Variants in MYO16 observed in about 807,000 individuals in gnomAD.
MYO16 encodes unconventional myosin-XVI.
Under a neutral mutation model 205.3 loss-of-function variants are expected in MYO16, and 94 were observed. The observed-to-expected ratio is 0.46, with a 90% CI of 0.39 to 0.54. The LOEUF (loss-of-function observed/expected upper bound fraction) is 0.54. Ranked by LOEUF, MYO16 falls within the 20% of genes least tolerant of loss-of-function variation. MYO16 has a pLI of 0.00. For synonymous variants in MYO16, 988 were observed against 954.0 expected (o/e 1.04, Z -0.66); for missense variants, 2,315 against 2,387.5 (o/e 0.97, Z 0.63).
At chr13:109,153,900 A>G (rs1228247339) in intron 32 of MYO16, among the ~76,000 whole-genome samples, 1 of 152,188 alleles carries the variant, frequency 6.6e-6, no homozygotes, top group Admixed American at 6.5e-5. Context: ...AATCCACTGG[A>G]AGCTTAGGCT....
At chr13:108,752,503 G>A (rs796084449) in intron 4 of MYO16, among the ~76,000 whole-genome samples, 3 of 152,156 alleles carry the variant, frequency 2.0e-5, no homozygotes, top group Admixed American at 6.5e-5. Flanking sequence ...ATAGTCATTC[G>A]TCACTGGCAG....
chr13:108,652,617 C>T (rs773860989), intron 1 of MYO16, among the ~76,000 whole-genome samples: 6 of 152,134 alleles, frequency 3.9e-5, no homozygotes, highest in Non-Finnish European at 8.8e-5. Context: ...TGAGTTTGAC[C>T]TCTTTAGAAG....
intron 2 of MYO16, among the ~76,000 whole-genome samples, chr13:108,669,777 C>G (rs1881903050): frequency 1.3e-5 from 2 of 152,062 alleles, no homozygotes; most frequent in African/African-American, 4.8e-5. Flanking sequence ...TTTGCAGGGA[C>G]ATGGATAAAG....
chr13:109,067,309 G>A (rs763023789), intron 27 of MYO16, among the ~76,000 whole-genome samples: 6 of 152,294 alleles, frequency 3.9e-5, no homozygotes, highest in Non-Finnish European at 8.8e-5. Flanking sequence ...TAGGCAATGG[G>A]CACTGCGCTA....
rs1173512745 is a variant in MYO16, at chr13:108,806,761, A to G, written c.824A>G (p.Asp275Gly). 2 of 1,613,164 alleles carry G rather than the reference A, an allele frequency of 1.2e-6. No homozygotes were observed. The highest frequency in any genetic ancestry group is 1.7e-6 in the Non-Finnish European group (2 of 1,179,286). ...GGTGGAGACCTCAACATAGTAGATG[A>G]TCAGTACTGGACTCCCCTCCACTTG... ...EHGGDLNIVDDQYWTPLHLAA... is the reference protein window; with the variant it reads ...EHGGDLNIVDGQYWTPLHLAA... The change falls in exon 7 of 35, where the codon GAT (aspartate) becomes GGT (glycine). Residue 275 changes from aspartate to glycine, a missense_variant. Asp to Gly is a moderately conservative substitution (Grantham distance 94). Around this residue, in one of 3 missense-constraint regions of MYO16, gnomAD observed 1,213 missense variants for 1,274.4 expected, o/e 0.95. Coordinates refer to ENST00000457511, the MANE Select transcript of MYO16 (RefSeq NM_001198950.3).
chr13:108,607,324 C>T (rs754671768), intron 1 of MYO16, among the ~76,000 whole-genome samples: 38 of 152,106 alleles, frequency 2.5e-4, no homozygotes, highest in Admixed American at 1.2e-3. Flanking sequence ...ACCCAAATCT[C>T]ATCTTGAATT....
At chr13:109,064,321 C>T (rs1237457123) in intron 27 of MYO16, among the ~76,000 whole-genome samples, 1 of 152,156 alleles carries the variant, frequency 6.6e-6, no homozygotes, top group Middle Eastern at 3.2e-3. Flanking sequence ...AGAGGCTGGT[C>T]ACCCTTCCTG....
At chr13:109,193,823 C>T (rs1032453667) in intron 34 of MYO16, among the ~76,000 whole-genome samples, 2 of 152,150 alleles carry the variant, frequency 1.3e-5, no homozygotes, top group African/African-American at 4.8e-5. Context: ...AATCCTATAC[C>T]CGTATCTCAC....
intron 9 of MYO16, 123 bp downstream of exon 9, chr13:108,823,401 A>G (rs554905316): frequency 7.7e-5 from 59 of 770,296 alleles, no homozygotes; most frequent in South Asian, 6.2e-4. Flanking sequence ...ATCAATGTAT[A>G]TACCAAAGAA....
the MYO16 span, among the ~76,000 whole-genome samples, chr13:108,516,902 T>C: frequency 2.0e-5 from 3 of 150,050 alleles, no homozygotes; most frequent in Admixed American, 2.0e-4. Context: ...TTCTTTTTTT[T>C]CTGCCATTTG....
At chr13:108,582,805 C>G in the MYO16 span, among the ~76,000 whole-genome samples, 11 of 152,206 alleles carry the variant, frequency 7.2e-5, no homozygotes, top group East Asian at 1.9e-4. Flanking sequence ...TGTTAAGGCA[C>G]ACGGGCTGGG....
intron 9 of MYO16, among the ~76,000 whole-genome samples, chr13:108,836,365 A>G (rs1594331695): frequency 6.6e-6 from 1 of 152,232 alleles, no homozygotes; most frequent in East Asian, 1.9e-4. Flanking sequence ...ATTTCCAGGC[A>G]GAAGTTTGCT....
intron 17 of MYO16, 139 bp from the exon 18 acceptor site, chr13:108,961,400 A>C: frequency 3.2e-6 from 2 of 623,430 alleles, no homozygotes; most frequent in Non-Finnish European, 5.7e-6. Context: ...TGCCATATCG[A>C]ACATTTGGGA....
At chr13:109,067,821 G>GTCA (rs1887800818) in intron 27 of MYO16, among the ~76,000 whole-genome samples, 1 of 152,120 alleles carries the variant, frequency 6.6e-6, no homozygotes, top group Non-Finnish European at 1.5e-5. Flanking sequence ...GGCTGAATCA[G>GTCA]TCACAACCTT....
chr13:108,667,246 C>T (rs956259793), intron 2 of MYO16, among the ~76,000 whole-genome samples: 1 of 151,152 alleles, frequency 6.6e-6, no homozygotes, highest in Non-Finnish European at 1.5e-5. Flanking sequence ...GGTAAGAAGA[C>T]TCAAGTCATT....
chr13:109,066,149 C>T (rs1408764877), intron 27 of MYO16, among the ~76,000 whole-genome samples: 1 of 152,144 alleles, frequency 6.6e-6, no homozygotes, highest in African/African-American at 2.4e-5. Flanking sequence ...AGACACACTT[C>T]CATCTATTGG....
chr13:109,107,312 CA>C (rs1012841781), intron 28 of MYO16, among the ~76,000 whole-genome samples: 1 of 152,040 alleles, frequency 6.6e-6, no homozygotes, highest in African/African-American at 2.4e-5. Flanking sequence ...TTTTATTACC[CA>C]AATAGTTTGA....
chr13:108,685,561 GTTGT>G (rs1001748361), intron 2 of MYO16, among the ~76,000 whole-genome samples: 3 of 152,188 alleles, frequency 2.0e-5, no homozygotes, highest in Non-Finnish European at 4.4e-5. Context: ...AGGAAAACCA[GTTGT>G]TTGTTCTTGT....
At position 109,068,570 on chromosome 13, in the gene MYO16, G is replaced by A. The variant is rs77561215; in HGVS notation, c.3335+12975G>A. Among the ~76,000 whole-genome samples the A allele has an allele frequency of 5.3e-3, 799 of 151,404 alleles. 9 individuals carry two copies. The highest frequency in any genetic ancestry group is 0.019 in the African/African-American group (768 of 41,316). The stretch of plus-strand genomic sequence containing the variant: ...ACTTCTTCATTGTGTATCCTTCTGG[G>A]ACCACTGATAAGCCATGAATTTTTT... On this transcript the variant is annotated intron_variant, in intron 27 of 34. Transcript: ENST00000457511.
Sources: allele counts gnomAD v4.1 joint callset (sites outside exome capture counted in the v4.1 genomes callset), GRCh38; gene constraint gnomAD v4.1.1; regional missense constraint gnomAD v4.1.1; transcripts MANE v1.5; gene names NCBI Gene and HGNC (gene_info 2026-07-23, HGNC 2026-07-21).